The following ACCSL variants were observed in gnomAD, a reference collection of about 807,000 sequenced individuals.
ACCSL encodes the protein 1-aminocyclopropane-1-carboxylate synthase homolog (inactive) like.
In ACCSL, 55 loss-of-function variants were observed where a neutral mutation model predicts 61.7. That is an observed-to-expected ratio of 0.89 (90% CI 0.72 to 1.12). The LOEUF is 1.12. ACCSL is among the 50% of genes most tolerant of loss of function. ACCSL has a pLI of 0.00. For synonymous variants in ACCSL, 258 were observed against 264.3 expected, an observed-to-expected ratio of 0.98 and a Z score of 0.23; for missense variants, 632 against 698.0, an observed-to-expected ratio of 0.91 and a Z score of 1.07.
the ACCSL span, among the ~76,000 whole-genome samples, chr11:43,926,237 C>G: frequency 6.6e-6 from 1 of 152,288 alleles, no homozygotes; most frequent in East Asian, 1.9e-4. Flanking sequence ...TGCGTTGATG[C>G]TCTGCTCACT....
chr11:43,998,343 C>T, the ACCSL span, among the ~76,000 whole-genome samples: 1 of 152,204 alleles, frequency 6.6e-6, no homozygotes, highest in East Asian at 1.9e-4. Context: ...GATCTTTCTT[C>T]ATCCCCTTTC....
At chr11:44,029,133 T>A in the ACCSL span, among the ~76,000 whole-genome samples, 1 of 152,212 alleles carries the variant, frequency 6.6e-6, no homozygotes, top group African/African-American at 2.4e-5. Context: ...ATCAGAGGGA[T>A]CCTTCTATGT....
chr11:44,052,286 G>A (rs1054633682), intron 5 of ACCSL, among the ~76,000 whole-genome samples: 3 of 152,202 alleles, frequency 2.0e-5, no homozygotes, highest in African/African-American at 7.2e-5. Flanking sequence ...CCAAATAACT[G>A]GAGCCCTCCT....
chr11:43,987,957 A>G, the ACCSL span, among the ~76,000 whole-genome samples: 1 of 151,274 alleles, frequency 6.6e-6, no homozygotes, highest in South Asian at 2.1e-4. Context: ...TTCCTGGGCC[A>G]AGAACTGACA....
At chr11:43,942,549 G>A in the ACCSL span, 2 of 270,370 alleles carry the variant, frequency 7.4e-6, no homozygotes, top group African/African-American at 2.4e-5. Context: ...GGGCGCGCAC[G>A]CTTTAAATGG....
At chr11:44,030,168 T>C in the ACCSL span, among the ~76,000 whole-genome samples, 55 of 148,458 alleles carry the variant, frequency 3.7e-4, no homozygotes, top group Admixed American at 1.0e-3. Flanking sequence ...AATGTCTACT[T>C]GTCTCTCCCT....
upstream of ACCSL, among the ~76,000 whole-genome samples, chr11:44,045,294 G>T (rs143956024): frequency 6.6e-6 from 1 of 152,042 alleles, no homozygotes; most frequent in Admixed American, 6.6e-5. Context: ...ACAAAAATTG[G>T]CTGGGTGTGG....
the ACCSL span, among the ~76,000 whole-genome samples, chr11:43,928,194 C>T: frequency 1.3e-5 from 2 of 152,122 alleles, no homozygotes; most frequent in African/African-American, 4.8e-5. Context: ...GGGCCCACAT[C>T]AGGCGTAGGA....
At chr11:43,998,371 C>A in the ACCSL span, among the ~76,000 whole-genome samples, 1 of 152,144 alleles carries the variant, frequency 6.6e-6, no homozygotes, top group Admixed American at 6.5e-5. Flanking sequence ...TGTGTGTTGG[C>A]TGATTTTTTT....
the ACCSL span, among the ~76,000 whole-genome samples, chr11:43,999,153 C>T: frequency 1.3e-5 from 2 of 152,180 alleles, no homozygotes; most frequent in Admixed American, 1.3e-4. Context: ...AAGACACAAT[C>T]CTGGCCCATA....
chr11:44,001,091 T>G, the ACCSL span: 1 of 152,176 alleles, frequency 6.6e-6, no homozygotes, highest in Non-Finnish European at 1.5e-5. Context: ...GCCCCTGTTT[T>G]GTGCCAGGCC....
chr11:43,979,221 A>G, the ACCSL span, among the ~76,000 whole-genome samples: 1 of 152,290 alleles, frequency 6.6e-6, no homozygotes, highest in East Asian at 1.9e-4. Context: ...GGTCCCAGCT[A>G]TTTGGGAGGC....
the ACCSL span, among the ~76,000 whole-genome samples, chr11:44,040,748 G>A: frequency 2.0e-5 from 3 of 152,246 alleles, no homozygotes; most frequent in African/African-American, 4.8e-5. Flanking sequence ...CTTTGGACCC[G>A]GTGATGCCTA....
At chr11:44,049,291 A>G (rs773423589) in intron 1 of ACCSL, among the ~76,000 whole-genome samples, 8 of 151,890 alleles carry the variant, frequency 5.3e-5, no homozygotes, top group Non-Finnish European at 1.2e-4. Context: ...GTGGTGGCAC[A>G]CACCTATAGT....
the ACCSL span, among the ~76,000 whole-genome samples, chr11:44,031,302 A>C: frequency 6.6e-6 from 1 of 152,196 alleles, no homozygotes; most frequent in Non-Finnish European, 1.5e-5. Context: ...CCCAGATGTC[A>C]GTCCGGCTCC....
At chr11:43,958,038 G>A in the ACCSL span, among the ~76,000 whole-genome samples, 8 of 152,190 alleles carry the variant, frequency 5.3e-5, no homozygotes, top group African/African-American at 1.9e-4. Context: ...CTGGGCATAG[G>A]CCAAATTAGC....
At chr11:44,000,278 C>G in the ACCSL span, among the ~76,000 whole-genome samples, 2 of 152,144 alleles carry the variant, frequency 1.3e-5, no homozygotes, top group East Asian at 3.9e-4. Flanking sequence ...GCATGCACCA[C>G]CATGCTCAGC....
the ACCSL span, among the ~76,000 whole-genome samples, chr11:44,019,701 C>A: frequency 6.6e-6 from 1 of 152,138 alleles, no homozygotes; most frequent in Admixed American, 6.5e-5. Flanking sequence ...TGAAAGTTAT[C>A]TTTTTACTTT....
chr11:44,033,368 T>C, the ACCSL span, among the ~76,000 whole-genome samples: 1 of 152,030 alleles, frequency 6.6e-6, no homozygotes, highest in African/African-American at 2.4e-5. Context: ...CAACACACCA[T>C]ACCATACCTC....
Sources: allele counts gnomAD v4.1 joint callset (sites outside exome capture counted in the v4.1 genomes callset), GRCh38; gene constraint gnomAD v4.1.1; transcripts MANE v1.5; gene names NCBI Gene and HGNC (gene_info 2026-07-23, HGNC 2026-07-21).